The following TSHZ2 variants were observed in gnomAD, a reference collection of about 807,000 sequenced individuals.
TSHZ2 encodes the protein teashirt zinc finger homeobox 2, also known as teashirt homolog 2.
In TSHZ2, 21 loss-of-function variants were observed where a neutral mutation model predicts 74.4. That is an observed-to-expected ratio of 0.28 (90% CI 0.20 to 0.41). TSHZ2 has a LOEUF of 0.41. Among genes scored for constraint, TSHZ2 ranks in the 10% least tolerant of loss-of-function variants. The probability of loss-of-function intolerance (pLI) is 1.00; values close to 1 mark genes in which losing one functional copy is unlikely to be tolerated. For synonymous variants in TSHZ2, 540 were observed against 515.3 expected, an observed-to-expected ratio of 1.05 and a Z score of -0.65; for missense variants, 1,244 against 1,293.5, an observed-to-expected ratio of 0.96 and a Z score of 0.59.
At chr20:53,384,749 C>T (rs561039496) in intron 2 of TSHZ2, among the ~76,000 whole-genome samples, 1 of 152,162 alleles carries the variant, frequency 6.6e-6, no homozygotes, top group African/African-American at 2.4e-5. Flanking sequence ...TACTTAGTAT[C>T]CTCAGTGGTT....
At chr20:53,113,201 C>T (rs994110489) in intron 1 of TSHZ2, among the ~76,000 whole-genome samples, 4 of 152,178 alleles carry the variant, frequency 2.6e-5, no homozygotes, top group South Asian at 2.1e-4. Context: ...GAGAATATAG[C>T]TTACAACAGA....
At chr20:53,008,980 CCTCTCT>C (rs55692015) in intron 1 of TSHZ2, among the ~76,000 whole-genome samples, 8,481 of 130,108 alleles carry the variant, frequency 0.065, 311 homozygotes, top group Middle Eastern at 0.1. Context: ...TTGTCTTTCT[CCTCTCT>C]CTCTCTCTCT....
chr20:53,475,751 T>C (rs1985972144), intron 2 of TSHZ2, among the ~76,000 whole-genome samples: 1 of 140,840 alleles, frequency 7.1e-6, no homozygotes, highest in Non-Finnish European at 1.5e-5. Context: ...ACAAAATTGA[T>C]AGACCACTAG....
intron 1 of TSHZ2, among the ~76,000 whole-genome samples, chr20:52,991,163 T>C (rs943347252): frequency 6.6e-6 from 1 of 151,938 alleles, no homozygotes; most frequent in Non-Finnish European, 1.5e-5. Flanking sequence ...TTATTGTGTG[T>C]GTTGTAGGGG....
chr20:53,110,548 C>T (rs954568603), intron 1 of TSHZ2, among the ~76,000 whole-genome samples: 1 of 151,950 alleles, frequency 6.6e-6, no homozygotes, highest in African/African-American at 2.4e-5. Context: ...TATAAGAAGA[C>T]TCTAGTTACA....
chr20:53,267,481 T>A (rs74352951), intron 2 of TSHZ2, among the ~76,000 whole-genome samples: 1 of 152,212 alleles, frequency 6.6e-6, no homozygotes, highest in African/African-American at 2.4e-5. Context: ...TGGGTGATAG[T>A]CATCCATTTT....
At chr20:53,135,019 C>CAT (rs1987208668) in intron 1 of TSHZ2, among the ~76,000 whole-genome samples, 1 of 151,394 alleles carries the variant, frequency 6.6e-6, no homozygotes, top group Non-Finnish European at 1.5e-5. Flanking sequence ...CACACACACA[C>CAT]ACACACACAC....
At chr20:53,068,746 A>G (rs1337939161) in intron 1 of TSHZ2, among the ~76,000 whole-genome samples, 1 of 152,226 alleles carries the variant, frequency 6.6e-6, no homozygotes, top group African/African-American at 2.4e-5. Context: ...TGGTTGGTTA[A>G]GTCCCATAGG....
chr20:53,144,953 A>G (rs1231281455), intron 1 of TSHZ2, among the ~76,000 whole-genome samples: 1 of 152,170 alleles, frequency 6.6e-6, no homozygotes, highest in Non-Finnish European at 1.5e-5. Flanking sequence ...ATTCACACCA[A>G]CAATGTTTAT....
At position 53,469,555 on chromosome 20, in the gene TSHZ2, G is replaced by GGGAAGGAAGGAAGGAAGGAA. The variant is rs142116366; in HGVS notation, c.*9-17565_*9-17546dup. The stretch of plus-strand genomic sequence containing the variant: ...ACTCTGTCAAGAAAAGAAAGAAGGA[G>GGGAAGGAAGGAAGGAAGGAA]GGAAGGAAGGAAGGAAGGAAGGAAG... On this transcript the variant is annotated intron_variant, in intron 2 of 2. Transcript: ENST00000371497. Among the ~76,000 whole-genome samples the GGGAAGGAAGGAAGGAAGGAA allele has an allele frequency of 2.2e-3, 171 of 78,352 alleles. 5 individuals carry two copies. The highest frequency in any genetic ancestry group is 7.8e-3 in the African/African-American group (144 of 18,358). 51.4% of individuals were successfully genotyped at this position (78,352 alleles called of 152,430 possible).
At chr20:53,001,228 G>GTGTGTGTGTGTGTGTATA (rs1555813616) in intron 1 of TSHZ2, among the ~76,000 whole-genome samples, 1 of 143,384 alleles carries the variant, frequency 7.0e-6, no homozygotes, top group African/African-American at 2.7e-5. Flanking sequence ...GTGTGTGTGT[G>GTGTGTGTGTGTGTGTATA]TGTGTGTGTG....
intron 2 of TSHZ2, among the ~76,000 whole-genome samples, chr20:53,362,426 T>C (rs1220252604): frequency 1.4e-5 from 2 of 147,018 alleles, no homozygotes; most frequent in Admixed American, 6.8e-5. Flanking sequence ...CCTCCTGATC[T>C]GCCCACCTCG....
intron 2 of TSHZ2, among the ~76,000 whole-genome samples, chr20:53,347,855 A>G (rs913478477): frequency 1.3e-5 from 2 of 152,218 alleles, no homozygotes; most frequent in African/African-American, 4.8e-5. Flanking sequence ...TAAGTATCAT[A>G]AAGTATGCAA....
chr20:53,113,983 A>T (rs576377507), intron 1 of TSHZ2, among the ~76,000 whole-genome samples: 3 of 151,830 alleles, frequency 2.0e-5, no homozygotes, highest in African/African-American at 7.2e-5. Context: ...AATCTCAGCT[A>T]CTCAGGGGGC....
chr20:52,975,577 A>G (rs1981302841), intron 1 of TSHZ2, among the ~76,000 whole-genome samples: 1 of 151,786 alleles, frequency 6.6e-6, no homozygotes, highest in Admixed American at 6.6e-5. Context: ...TTTCTGGCCT[A>G]TTATATTCCT....
chr20:53,489,122 A>G lies in TSHZ2; in HGVS notation c.*1987A>G. On this transcript the variant is annotated 3_prime_UTR_variant, in exon 3 of 3. Coordinates refer to ENST00000371497, the MANE Select transcript of TSHZ2 (RefSeq NM_173485.6). The stretch of plus-strand genomic sequence containing the variant: ...CAATCAATCACCCACAAGGAAAAAT[A>G]GCAACAGTACAACGGGGTGGCTTTT... 2.2e-6 allele frequency: 1 copy of G among 456,324 alleles called. No individual in the cohort carries two copies. The highest frequency in any genetic ancestry group is 1.5e-5 in the South Asian group (1 of 64,572). The allele number at this position is 456,324 out of a possible 1,614,324, so 28.3% of individuals were successfully genotyped here. A position where few individuals can be genotyped will look rare whatever the true frequency, so the allele number is the denominator to read the frequency against.
At position 53,372,483 on chromosome 20, in the gene TSHZ2, A is replaced by T. The variant is rs183735619; in HGVS notation, c.*9-114661A>T. ...CAGAGTGAGATCTTGTCTCAAAAAA[A>T]TAAAGAAGGAAGAAAGGAAGGAAGG... is the stretch of plus-strand genomic sequence containing the variant. On this transcript the variant is annotated intron_variant, in intron 2 of 2. Transcript: ENST00000371497. Among the ~76,000 whole-genome samples the T allele has an allele frequency of 1.3e-4, 20 of 152,250 alleles. No individual in the cohort carries two copies. The East Asian group carries it at 3.7e-3, about 28-fold the overall frequency.
At chr20:53,228,701 GAT>G (rs1989745239) in intron 1 of TSHZ2, among the ~76,000 whole-genome samples, 1 of 126,750 alleles carries the variant, frequency 7.9e-6, no homozygotes, top group Non-Finnish European at 1.7e-5. Context: ...CTGCCCATTG[GAT>G]GCCAGTGGCA....
intron 2 of TSHZ2, among the ~76,000 whole-genome samples, chr20:53,471,803 CTTTTTTTTTTTTTT>C (rs58027394): frequency 1.1e-5 from 1 of 87,284 alleles, no homozygotes; most frequent in South Asian, 3.9e-4. Flanking sequence ...CTTTTCTTTT[CTTTTTTTTTTTTTT>C]TTTTTTGAGA....
Sources: allele counts gnomAD v4.1 joint callset (sites outside exome capture counted in the v4.1 genomes callset), GRCh38; gene constraint gnomAD v4.1.1; transcripts MANE v1.5; gene names NCBI Gene and HGNC (gene_info 2026-07-23, HGNC 2026-07-21).